CLASP2: variants seen among roughly 807,000 people sequenced by gnomAD.
CLASP2 encodes CLIP-associating protein 2.
In CLASP2, 47 loss-of-function variants were observed where a neutral mutation model predicts 194.4. That is an observed-to-expected ratio of 0.24 (90% confidence interval 0.19 to 0.31). The LOEUF (loss-of-function observed/expected upper bound fraction) is 0.31, where lower values mean the gene tolerates loss of function less well. Ranked by LOEUF, CLASP2 falls within the 10% of genes least tolerant of loss-of-function variation. CLASP2 has a pLI of 1.00. For synonymous variants in CLASP2, 619 were observed against 633.5 expected (o/e 0.98, Z 0.34); for missense variants, 1,445 against 1,823.6 (o/e 0.79, Z 3.78).
chr3:33,501,801 A>T (rs747184324), intron 37 of CLASP2, 33 bp from the exon 38 acceptor site: 1 of 1,376,054 alleles, frequency 7.3e-7, no homozygotes, highest in South Asian at 1.2e-5. Context: ...AGTACTCCAG[A>T]GAAGTCCACT....
At chr3:33,605,130 C>G (rs571597975) in intron 16 of CLASP2, among the ~76,000 whole-genome samples, 1 of 152,034 alleles carries the variant, frequency 6.6e-6, no homozygotes, top group Admixed American at 6.6e-5. Flanking sequence ...CCTTTGTACT[C>G]AAAATATGGT....
chr3:33,502,454 T>C (rs987692368), intron 37 of CLASP2: 1 of 152,228 alleles, frequency 6.6e-6, no homozygotes, highest in Non-Finnish European at 1.5e-5. Context: ...TTAAAATGCA[T>C]TTTCTTTTAT....
At chr3:33,654,427 C>G (rs1043525601) in intron 7 of CLASP2, among the ~76,000 whole-genome samples, 7 of 152,102 alleles carry the variant, frequency 4.6e-5, no homozygotes, top group African/African-American at 1.7e-4. Context: ...TCAAGGATAT[C>G]TCCCAGAATA....
rs141832235 is a variant in CLASP2 at position 33,650,097 on chromosome 3, G to A, written c.716-5194C>T. On this transcript the variant is annotated intron_variant, in intron 7 of 38. Transcript: ENST00000682230. ...TTAAAATCCTAGAGTTATCAGACAC[G>A]GACTATACAATAACTGAGCAAACTT... Among the ~76,000 whole-genome samples, 212 of 152,114 alleles carry A rather than the reference G, an allele frequency of 1.4e-3. 1 individual carries two copies. The highest frequency in any genetic ancestry group is 4.8e-3 in the South Asian group (23 of 4,828).
chr3:33,608,426 C>A (rs2074363694), intron 14 of CLASP2, 141 bp downstream of exon 14: 1 of 694,552 alleles, frequency 1.4e-6, no homozygotes, highest in Non-Finnish European at 2.5e-6. Flanking sequence ...AGGAGCACAA[C>A]ACCACCACAG....
intron 8 of CLASP2, among the ~76,000 whole-genome samples, chr3:33,637,189 A>C (rs2080312880): frequency 6.6e-6 from 1 of 152,218 alleles, no homozygotes; most frequent in Non-Finnish European, 1.5e-5. Flanking sequence ...GACTCCAAAA[A>C]GTCAAAGTCA....
chr3:33,570,581 G>A (rs778880297), intron 26 of CLASP2, 146 bp downstream of exon 26: 54 of 989,272 alleles, frequency 5.5e-5, no homozygotes, highest in Middle Eastern at 3.2e-4. Flanking sequence ...TCTAAATTAC[G>A]TATGATACCA....
At chr3:33,499,299 C>T (rs1022856794) in intron 38 of CLASP2, among the ~76,000 whole-genome samples, 7 of 151,614 alleles carry the variant, frequency 4.6e-5, no homozygotes, top group South Asian at 2.1e-4. Context: ...TCCAGCCATG[C>T]GGAACTGTGA....
intron 19 of CLASP2, among the ~76,000 whole-genome samples, chr3:33,596,292 CA>C (rs1407510764): frequency 6.6e-6 from 1 of 152,044 alleles, no homozygotes; most frequent in African/African-American, 2.4e-5. Flanking sequence ...ATTTCATTTT[CA>C]AAAACAATCA....
chr3:33,530,509 AGTT>A (rs2056020895), intron 34 of CLASP2, among the ~76,000 whole-genome samples: 1 of 152,156 alleles, frequency 6.6e-6, no homozygotes, highest in South Asian at 2.1e-4. Context: ...CCAGTAACGC[AGTT>A]GTTTATTAAG....
chr3:33,564,778 T>C (rs1310920346), intron 27 of CLASP2, among the ~76,000 whole-genome samples: 1 of 152,104 alleles, frequency 6.6e-6, no homozygotes, highest in African/African-American at 2.4e-5. Flanking sequence ...TTTGTAGAGA[T>C]GGGGTCTACC....
At chr3:33,601,469 G>A (rs1174184695) in intron 18 of CLASP2, among the ~76,000 whole-genome samples, 1 of 152,026 alleles carries the variant, frequency 6.6e-6, no homozygotes, top group Admixed American at 6.6e-5. Context: ...TAACAGACTT[G>A]AAAAACCTCA....
At chr3:33,571,824 G>A (rs1314360838) in intron 25 of CLASP2, among the ~76,000 whole-genome samples, 6 of 151,984 alleles carry the variant, frequency 3.9e-5, no homozygotes, top group East Asian at 1.9e-4. Context: ...AAACAACAAC[G>A]AAATCAATAG....
rs2045768902 is a variant in CLASP2, at chr3:33,496,311, A to G, written c.*2320T>C. 6.6e-6 allele frequency: 1 copy of G among 152,222 alleles called. No individual in the cohort carries two copies. The highest frequency in any genetic ancestry group is 1.9e-4 in the East Asian group (1 of 5,194). The allele number at this position is 152,222 out of a possible 1,614,324, so 9.4% of individuals were successfully genotyped here. On this transcript the variant is annotated 3_prime_UTR_variant, in exon 39 of 39. Transcript: ENST00000682230. ...GTGCAGTAAATGAACAACACTTATT[A>G]ATAATTAATTTGGGAGAGAATAGCA...
At chr3:33,621,795 T>C (rs2077156907) in intron 11 of CLASP2, among the ~76,000 whole-genome samples, 1 of 152,158 alleles carries the variant, frequency 6.6e-6, no homozygotes, top group African/African-American at 2.4e-5. Context: ...ATATCAGAAA[T>C]TGAGTGTTTA....
intron 7 of CLASP2, among the ~76,000 whole-genome samples, chr3:33,651,370 G>A (rs1337788074): frequency 3.8e-5 from 5 of 132,642 alleles, no homozygotes; most frequent in East Asian, 2.2e-4. Context: ...GCAACAGAGC[G>A]AGATCCTGTC....
Position 33,516,126 on chromosome 3 carries a change from T to C in CLASP2, c.4007A>G (p.Lys1336Arg). The C allele has an allele frequency of 6.2e-7, 1 of 1,608,866 alleles. No homozygotes were observed. Among genetic ancestry groups the C allele is most frequent in the Non-Finnish European group, 8.5e-7 (1 of 1,177,470 alleles). The change falls in exon 36 of 39, where the codon AAG becomes AGG. Residue 1336 changes from lysine to arginine, a missense_variant. Transcript: ENST00000682230. ...ATGCCTTAGGATTTCTCTTAAAACC[T>C]TTAATGCCAAAGCCCTGATTGTAGG... Reference protein sequence around the residue: ...KEPTIRALALKVLREILRHQP... With the variant: ...KEPTIRALALRVLREILRHQP...
intron 18 of CLASP2, among the ~76,000 whole-genome samples, chr3:33,597,547 T>C (rs1000736154): frequency 1.3e-5 from 2 of 152,140 alleles, no homozygotes; most frequent in Admixed American, 6.5e-5. Context: ...GTGTGGTTTA[T>C]GGTGAAAACC....
In CLASP2 at chr3:33,517,347, C is replaced by T. The variant is rs1340718808; in HGVS notation, c.3788-173G>A. On this transcript the variant is annotated intron_variant, in intron 34 of 38. Coordinates refer to ENST00000682230, the MANE Select transcript of CLASP2 (RefSeq NM_001365631.1). The stretch of plus-strand genomic sequence containing the variant: ...TTTCAATTTTGTCATTCCCAAAACA[C>T]TGGTGCTATCTTAAAACTTTGTATA... Among the ~76,000 whole-genome samples the T allele has an allele frequency of 2.6e-5, 4 of 152,210 alleles. No individual in the cohort carries two copies. The South Asian group carries it at 6.2e-4, about 24-fold the overall frequency.
Sources: gnomAD v4.1 joint callset for allele counts (sites outside exome capture counted in the v4.1 genomes callset) on GRCh38, gnomAD v4.1.1 for gene constraint, MANE v1.5 for transcripts, NCBI Gene and HGNC (gene_info 2026-07-23, HGNC 2026-07-21) for gene names.